POU2F1: variants seen among roughly 807,000 people sequenced by gnomAD.
The protein encoded by POU2F1 is POU domain, class 2, transcription factor 1.
A neutral mutation model predicts 84.9 loss-of-function variants in POU2F1; 16 were observed. That is an observed-to-expected ratio of 0.19 (90% CI 0.13 to 0.29). The LOEUF is 0.29. Ranked by LOEUF, POU2F1 falls within the 10% of genes least tolerant of loss-of-function variation. POU2F1 has a pLI of 1.00. For synonymous variants in POU2F1, 368 were observed against 368.3 expected, an observed-to-expected ratio of 1.00 and a Z score of 0.01; for missense variants, 738 against 942.6, an observed-to-expected ratio of 0.78 and a Z score of 2.84.
In POU2F1 at chr1:167,418,634, G is replaced by A. The variant is rs1650453049; in HGVS notation, c.*2824G>A. 6.6e-6 allele frequency: 1 copy of A among 152,148 alleles called. No individual in the cohort carries two copies. Among genetic ancestry groups the A allele is most frequent in the South Asian group, 2.1e-4 (1 of 4,830 alleles). 9.4% of individuals were successfully genotyped at this position (152,148 alleles called of 1,614,324 possible). ...CTCAAGCTCAGTGAGGTAAGACAAAGGGCAAGGAAAGGCTGTTTGGGTGGT... is the reference window on the plus strand; with the variant it reads ...CTCAAGCTCAGTGAGGTAAGACAAAAGGCAAGGAAAGGCTGTTTGGGTGGT... On this transcript the variant is annotated 3_prime_UTR_variant, in exon 16 of 16. Transcript: ENST00000367866.
chr1:167,291,907 T>A (rs913736472), intron 1 of POU2F1, among the ~76,000 whole-genome samples: 3 of 152,200 alleles, frequency 2.0e-5, no homozygotes, highest in Non-Finnish European at 4.4e-5. Flanking sequence ...TTGTCTCTAG[T>A]AGCAAAATGA....
At chr1:167,377,428 T>C (rs185814608) in intron 7 of POU2F1, among the ~76,000 whole-genome samples, 51 of 150,164 alleles carry the variant, frequency 3.4e-4, no homozygotes, top group African/African-American at 1.2e-3. Context: ...CTACTAAAAA[T>C]ACAAAAAAAA....
chr1:167,293,709 A>G (rs1654085865), intron 1 of POU2F1, among the ~76,000 whole-genome samples: 1 of 152,226 alleles, frequency 6.6e-6, no homozygotes, highest in African/African-American at 2.4e-5. Flanking sequence ...TTCCAGTTAT[A>G]CTACAAGGCT....
chr1:167,342,362 G>A (rs1455135733), intron 2 of POU2F1, among the ~76,000 whole-genome samples: 1 of 152,162 alleles, frequency 6.6e-6, no homozygotes, highest in African/African-American at 2.4e-5. Flanking sequence ...TTATGGGCTT[G>A]TATTCCAAAA....
intron 1 of POU2F1, among the ~76,000 whole-genome samples, chr1:167,237,096 G>A (rs969804937): frequency 1.3e-5 from 2 of 152,162 alleles, no homozygotes; most frequent in African/African-American, 4.8e-5. Context: ...AAGGAGGAAG[G>A]TATCTAACTT....
intron 2 of POU2F1, among the ~76,000 whole-genome samples, chr1:167,340,889 T>G (rs1571331237): frequency 6.6e-6 from 1 of 152,220 alleles, no homozygotes; most frequent in African/African-American, 2.4e-5. Context: ...GAAGTATATG[T>G]GAACCCATGA....
intron 1 of POU2F1, among the ~76,000 whole-genome samples, chr1:167,325,887 CA>C (rs1184183063): frequency 0.12 from 11,987 of 99,414 alleles, 852 homozygotes; most frequent in African/African-American, 0.27. Flanking sequence ...AACTCCATCT[CA>C]AAAAAAAAAA....
At chr1:167,374,318 C>A in intron 6 of POU2F1, 22 bp downstream of exon 6, 1 of 1,542,582 alleles carries the variant, frequency 6.5e-7, no homozygotes, top group Non-Finnish European at 8.7e-7. Context: ...ACTCCAATAG[C>A]TGGGGCAGCA....
At chr1:167,257,497 G>A (rs551620910) in intron 1 of POU2F1, among the ~76,000 whole-genome samples, 1 of 152,128 alleles carries the variant, frequency 6.6e-6, no homozygotes, top group Admixed American at 6.5e-5. Flanking sequence ...TGTTGGAACC[G>A]TATAGGGCTG....
intron 2 of POU2F1, among the ~76,000 whole-genome samples, chr1:167,353,236 G>A (rs368523390): frequency 6.6e-6 from 1 of 151,414 alleles, no homozygotes; most frequent in East Asian, 1.9e-4. Flanking sequence ...TTGCTCTTTC[G>A]TTTTCTGAAA....
At chr1:167,307,749 G>A (rs775303855) in intron 1 of POU2F1, among the ~76,000 whole-genome samples, 2 of 152,072 alleles carry the variant, frequency 1.3e-5, no homozygotes, top group Non-Finnish European at 2.9e-5. Context: ...CGACTAATCC[G>A]TAGACCCTAT....
intron 3 of POU2F1, among the ~76,000 whole-genome samples, chr1:167,367,963 T>C (rs990939343): frequency 1.1e-4 from 16 of 152,162 alleles, no homozygotes; most frequent in Admixed American, 1.0e-3. Flanking sequence ...GCAGACATTA[T>C]AACCATTTAC....
At position 167,234,089 on chromosome 1, in the gene POU2F1, AC is replaced by A. The variant is rs1050392594; in HGVS notation, c.61+13134del. Among the ~76,000 whole-genome samples the A allele has an allele frequency of 2.0e-4, 31 of 152,166 alleles. 2 individuals are homozygous for A. The highest frequency in any genetic ancestry group is 1.5e-5 in the Non-Finnish European group (1 of 68,046). ...CAGTTAAGATCATTATCAGGCTCTT[AC>A]CCGTTAATTTCTGCTTCAGGCCAGT... On this transcript the variant is annotated intron_variant, in intron 1 of 15. Transcript: ENST00000367866.
At chr1:167,408,464 C>T (rs770792917) in intron 13 of POU2F1, among the ~76,000 whole-genome samples, 1 of 152,182 alleles carries the variant, frequency 6.6e-6, no homozygotes, top group Non-Finnish European at 1.5e-5. Context: ...AACCAGTGCT[C>T]ATCAACTGGT....
chr1:167,289,317 G>A (rs557382240), intron 1 of POU2F1, among the ~76,000 whole-genome samples: 4 of 152,194 alleles, frequency 2.6e-5, no homozygotes, highest in Non-Finnish European at 5.9e-5. Context: ...TTGCTGTACT[G>A]AACATGACTT....
rs1653520481 is a variant in POU2F1, at chr1:167,286,294, T to TC, written c.62-46175dup. On this transcript the variant is annotated intron_variant, in intron 1 of 15. Coordinates refer to ENST00000367866, the MANE Select transcript of POU2F1 (RefSeq NM_002697.4). ...TCCCTCTTTCATCCTTCATGTCAAA[T>TC]CAGATACCTGTCAGTTTTGCCCCTA... Among the ~76,000 whole-genome samples, 4 of 152,334 alleles carry TC rather than the reference T, an allele frequency of 2.6e-5. No individual in the cohort carries two copies. In the South Asian group the frequency reaches 6.2e-4, roughly 24 times the overall value.
At chr1:167,351,665 T>C (rs1440026031) in intron 2 of POU2F1, among the ~76,000 whole-genome samples, 1 of 152,092 alleles carries the variant, frequency 6.6e-6, no homozygotes, top group African/African-American at 2.4e-5. Flanking sequence ...ATAATTAGGC[T>C]GGCCCTTAAA....
intron 6 of POU2F1, among the ~76,000 whole-genome samples, chr1:167,375,015 C>T (rs867345212): frequency 2.7e-5 from 4 of 150,214 alleles, no homozygotes; most frequent in Admixed American, 2.0e-4. Flanking sequence ...TGCAGTGAGC[C>T]GAGATCGCGC....
chr1:167,383,870 G>A lies in POU2F1; in HGVS notation c.732G>A (p.Ala244=), dbSNP rs376220117. 12 of 1,613,120 alleles carry A rather than the reference G, an allele frequency of 7.4e-6. No homozygotes were observed. Among genetic ancestry groups the A allele is most frequent in the African/African-American group, 1.3e-5 (1 of 74,854 alleles). The change falls in exon 8 of 16, where the codon GCG becomes GCA. Residue 244 remains alanine (A), a synonymous_variant. Transcript: ENST00000367866. ...TTTCTTCTACAGGTCTCCTGCAAGC[G>A]CAAAATCTTCTAACGCAACTACCTC... The part of the protein sequence containing the change: ...TPQGQQGLLQ[A]QNLLTQLPQQ...
Sources: gnomAD v4.1 joint callset for allele counts (sites outside exome capture counted in the v4.1 genomes callset) on GRCh38, gnomAD v4.1.1 for gene constraint, MANE v1.5 for transcripts, NCBI Gene and HGNC (gene_info 2026-07-23, HGNC 2026-07-21) for gene names.